Variants in SETX observed in about 807,000 individuals in gnomAD.
The protein encoded by SETX is helicase senataxin.
In SETX, 90 loss-of-function variants were observed where a neutral mutation model predicts 227.2. The ratio of observed to expected loss-of-function variants is 0.40; its 90% CI spans 0.33 to 0.47. The LOEUF is 0.47. Ranked by LOEUF, SETX falls within the 20% of genes least tolerant of loss-of-function variation. The pLI is 0.91. For synonymous variants in SETX, 1,210 were observed against 1,113.2 expected (o/e 1.09, Z -1.73); for missense variants, 3,052 against 3,181.5 (o/e 0.96, Z 0.98).
rs546932016 is a variant in SETX, at chr9:132,295,920, T to C, written c.6058A>G (p.Ile2020Val). 1.2e-5 allele frequency: 19 copies of C among 1,613,860 alleles called. No individual in the cohort carries two copies. In the East Asian group the frequency reaches 4.0e-4, roughly 34 times the overall value. Residue 2020 changes from isoleucine (I) to valine (V), a missense_variant, in exon 15 of 26, where the codon ATT becomes GTT. Ile to Val is a conservative substitution (Grantham distance 29). Coordinates refer to ENST00000224140, the MANE Select transcript of SETX (RefSeq NM_015046.7). ...CATTTTTCTTTGAATTCAAGGATAA[T>C]TTTTTTCATGAGTTCATCAACAGCT... Reference protein sequence around the residue: ...NAAVDELMKKIILEFKEKCKD... With the variant: ...NAAVDELMKKVILEFKEKCKD...
At chr9:132,307,065 G>T (rs1398826065) in intron 11 of SETX, among the ~76,000 whole-genome samples, 1 of 152,194 alleles carries the variant, frequency 6.6e-6, no homozygotes, top group East Asian at 1.9e-4. Flanking sequence ...GACCAGCCTG[G>T]CCAACATGGC....
intron 10 of SETX, 29 bp from the exon 11 acceptor site, chr9:132,311,885 A>G (rs755967331): frequency 3.3e-6 from 5 of 1,506,746 alleles, no homozygotes; most frequent in African/African-American, 2.8e-5. Context: ...CAAATTAAGA[A>G]AGCAACATTC....
chr9:132,267,763 A>C (rs960786179), intron 25 of SETX, among the ~76,000 whole-genome samples: 14 of 152,234 alleles, frequency 9.2e-5, no homozygotes, highest in Non-Finnish European at 1.5e-4. Flanking sequence ...ACGGAATGTG[A>C]AAAAGGGTTA....
chr9:132,267,717 G>T (rs112381286), intron 25 of SETX, among the ~76,000 whole-genome samples: 44 of 152,334 alleles, frequency 2.9e-4, no homozygotes, highest in African/African-American at 1.0e-3. Context: ...GCACAGTTGT[G>T]CAAGTGTGAC....
intron 12 of SETX, among the ~76,000 whole-genome samples, 162 bp downstream of exon 12, chr9:132,300,468 T>G (rs1480541998): frequency 6.6e-6 from 1 of 152,172 alleles, no homozygotes; most frequent in Non-Finnish European, 1.5e-5. Flanking sequence ...CAGTTAAGTC[T>G]AGAAAAACTA....
At chr9:132,330,567 C>A (rs1010516687) in intron 9 of SETX, 68 bp from the exon 10 acceptor site, 305 of 1,378,094 alleles carry the variant, frequency 2.2e-4, no homozygotes, top group Non-Finnish European at 2.8e-4. Flanking sequence ...ACACCCAAGT[C>A]GTTAAGAAAA....
intron 11 of SETX, among the ~76,000 whole-genome samples, chr9:132,301,503 T>C (rs1339097874): frequency 1.3e-5 from 2 of 152,214 alleles, no homozygotes; most frequent in African/African-American, 4.8e-5. Flanking sequence ...TGGTCAGTGA[T>C]GGACCGGATA....
At chr9:132,280,835 TA>T (rs1843458985) in intron 20 of SETX, among the ~76,000 whole-genome samples, 1 of 151,962 alleles carries the variant, frequency 6.6e-6, no homozygotes, top group Admixed American at 6.6e-5. Context: ...TTCATGAGAT[TA>T]AAAAAAACCA....
chr9:132,291,847 T>C lies in SETX; in HGVS notation c.6107-3196A>G, dbSNP rs184299263. Among the ~76,000 whole-genome samples, 16 of 152,288 alleles carry C rather than the reference T, an allele frequency of 1.1e-4. No homozygotes were observed. In the East Asian group the frequency reaches 3.1e-3, roughly 29 times the overall value. On this transcript the variant is annotated intron_variant, in intron 15 of 25. Coordinates refer to ENST00000224140, the MANE Select transcript of SETX (RefSeq NM_015046.7). The stretch of plus-strand genomic sequence containing the variant: ...ATTCCAATAAAAACATATAAATTTC[T>C]ACAATGGGAGCTTGCTAATGCCCAC...
At chr9:132,279,305 C>T (rs989503290) in intron 20 of SETX, among the ~76,000 whole-genome samples, 5 of 151,996 alleles carry the variant, frequency 3.3e-5, no homozygotes, top group African/African-American at 1.2e-4. Context: ...AGGAGATACA[C>T]CTAATGTAAA....
chr9:132,267,322 G>C (rs1207933367), intron 25 of SETX, among the ~76,000 whole-genome samples: 3 of 152,200 alleles, frequency 2.0e-5, no homozygotes, highest in Non-Finnish European at 4.4e-5. Context: ...CAGATCTCTA[G>C]AGATCCTTAG....
chr9:132,327,906 T>G lies in SETX; in HGVS notation c.3692A>C (p.Glu1231Ala). The change falls in exon 10 of 26, where the codon GAA becomes GCA. Residue 1231 changes from glutamate (E) to alanine (A), a missense_variant. Physicochemically the swap from Glu to Ala is moderately radical, Grantham distance 107. Coordinates refer to ENST00000224140, the MANE Select transcript of SETX (RefSeq NM_015046.7). ...AGAAACTGGAACTTTCCTGATGGGTTCTGTACAAGTACAAAGCTTTGAAGA... is the reference window on the plus strand; with the variant it reads ...AGAAACTGGAACTTTCCTGATGGGTGCTGTACAAGTACAAAGCTTTGAAGA... Reference protein sequence around the residue: ...KKSSKLCTCTEPIRKVPVSKT... With the variant: ...KKSSKLCTCTAPIRKVPVSKT... 3.7e-6 allele frequency: 6 copies of G among 1,614,220 alleles called. No homozygotes were observed. The highest frequency in any genetic ancestry group is 5.1e-6 in the Non-Finnish European group (6 of 1,180,042).
chr9:132,352,094 C>G (rs1848633003), intron 2 of SETX, among the ~76,000 whole-genome samples: 1 of 152,222 alleles, frequency 6.6e-6, no homozygotes, highest in Non-Finnish European at 1.5e-5. Flanking sequence ...TTTAGATTCA[C>G]TACCTCCCAG....
At chr9:132,349,654 A>G (rs767131747) in intron 2 of SETX, among the ~76,000 whole-genome samples, 2 of 152,254 alleles carry the variant, frequency 1.3e-5, no homozygotes, top group African/African-American at 4.8e-5. Flanking sequence ...AAAGCATTGT[A>G]TAAGGAATAA....
chr9:132,323,117 C>T (rs1846471596), intron 10 of SETX, among the ~76,000 whole-genome samples: 1 of 152,142 alleles, frequency 6.6e-6, no homozygotes, highest in Non-Finnish European at 1.5e-5. Context: ...GCCTGAAGGA[C>T]AGGCCTCGCT....
At chr9:132,351,368 A>G (rs1269154887) in intron 2 of SETX, among the ~76,000 whole-genome samples, 1 of 152,234 alleles carries the variant, frequency 6.6e-6, no homozygotes, top group Non-Finnish European at 1.5e-5. Flanking sequence ...TGAAGCTCCA[A>G]ATGTTGTGTA....
At chr9:132,339,435 A>C (rs906770943) in intron 5 of SETX, among the ~76,000 whole-genome samples, 4 of 152,344 alleles carry the variant, frequency 2.6e-5, no homozygotes, top group African/African-American at 9.6e-5. Flanking sequence ...CCTGGGTGAC[A>C]GAGCAAGACC....
Position 132,283,016 on chromosome 9 carries a change from T to TC in SETX, c.6546+247dup. On this transcript the variant is annotated intron_variant, in intron 19 of 25. Transcript: ENST00000224140. Reference sequence around the variant, plus strand: ...TTCTAAGCAGGAGTGAGACAGTCACTCAGCAGAGATTTTGTTAGAAACCAT... The same window carrying TC: ...TTCTAAGCAGGAGTGAGACAGTCACTCCAGCAGAGATTTTGTTAGAAACCAT... 5.7e-6 allele frequency: 3 copies of TC among 524,184 alleles called. No homozygotes were observed. In the South Asian group the frequency reaches 6.2e-5, roughly 11 times the overall value. The allele number at this position is 524,184 out of a possible 1,614,324, so 32.5% of individuals were successfully genotyped here.
chr9:132,264,111 G>A lies in SETX; in HGVS notation c.*128C>T. The A allele has an allele frequency of 7.6e-7, 1 of 1,321,086 alleles. No individual in the cohort carries two copies. The highest frequency in any genetic ancestry group is 1.7e-5 in the Admixed American group (1 of 58,152). The allele number at this position is 1,321,086 out of a possible 1,614,324, so 81.8% of individuals were successfully genotyped here. On this transcript the variant is annotated 3_prime_UTR_variant, in exon 26 of 26. Coordinates refer to ENST00000224140, the MANE Select transcript of SETX (RefSeq NM_015046.7). Reference sequence around the variant, plus strand: ...GACCAGAGGCTCAGGTGTTAAGGATGCATTTTCCATGTTTTCCAACAGCAC... The same window carrying A: ...GACCAGAGGCTCAGGTGTTAAGGATACATTTTCCATGTTTTCCAACAGCAC...
Sources: allele counts gnomAD v4.1 joint callset (sites outside exome capture counted in the v4.1 genomes callset), GRCh38; gene constraint gnomAD v4.1.1; transcripts MANE v1.5; gene names NCBI Gene and HGNC (gene_info 2026-07-23, HGNC 2026-07-21).